The following PTPN12 variants were observed in gnomAD, a reference collection of about 807,000 sequenced individuals.
The protein encoded by PTPN12 is tyrosine-protein phosphatase non-receptor type 12.
In PTPN12, 29 loss-of-function variants were observed where a neutral mutation model predicts 97.6. The ratio of observed to expected loss-of-function variants is 0.30; its 90% CI spans 0.22 to 0.41. PTPN12 has a LOEUF of 0.41. PTPN12 is among the 10% of genes least tolerant of loss of function. The pLI is 1.00. For missense variants in PTPN12, 819 were observed against 926.0 expected (o/e 0.88, Z 1.50); for synonymous variants, 327 against 300.4 (o/e 1.09, Z -0.91).
intron 1 of PTPN12, chr7:77,538,189 A>G: frequency 2.8e-6 from 2 of 713,112 alleles, no homozygotes; most frequent in African/African-American, 1.9e-5. Flanking sequence ...CTGGGGTCGC[A>G]GTCATGATCT....
chr7:77,607,857 C>T (rs1788427520), intron 9 of PTPN12, among the ~76,000 whole-genome samples: 1 of 151,920 alleles, frequency 6.6e-6, no homozygotes, highest in African/African-American at 2.4e-5. Context: ...GGGTTGAAGC[C>T]ATTCTCCTGC....
At chr7:77,613,076 T>C (rs1776143320) in intron 11 of PTPN12, among the ~76,000 whole-genome samples, 1 of 151,200 alleles carries the variant, frequency 6.6e-6, no homozygotes, top group African/African-American at 2.4e-5. Context: ...CGGCCAAACA[T>C]TTGTATTATT....
intron 13 of PTPN12, among the ~76,000 whole-genome samples, chr7:77,629,882 A>G (rs1789336531): frequency 6.6e-6 from 1 of 150,692 alleles, no homozygotes. Flanking sequence ...TCAAGGCTGC[A>G]GTGAGCCATA....
At chr7:77,587,580 C>G (rs941168081) in intron 5 of PTPN12, among the ~76,000 whole-genome samples, 5 of 152,202 alleles carry the variant, frequency 3.3e-5, no homozygotes, top group African/African-American at 1.2e-4. Context: ...TTAGGATTTT[C>G]AGAATGGTAA....
intron 1 of PTPN12, among the ~76,000 whole-genome samples, chr7:77,562,190 A>C (rs1808031455): frequency 1.3e-5 from 2 of 152,138 alleles, no homozygotes; most frequent in African/African-American, 4.8e-5. Context: ...AGTAGCTGGC[A>C]TTACAGGCGC....
intron 2 of PTPN12, among the ~76,000 whole-genome samples, chr7:77,574,008 C>G (rs1787251600): frequency 6.6e-6 from 1 of 152,134 alleles, no homozygotes; most frequent in Non-Finnish European, 1.5e-5. Flanking sequence ...TCATCCGCCT[C>G]CCTTGGCATT....
rs573121695 is a variant in PTPN12, at chr7:77,580,245, G to A, written c.209-1182G>A. On this transcript the variant is annotated intron_variant, in intron 2 of 17. Transcript: ENST00000248594. Reference sequence around the variant, plus strand: ...TTGGGAGCCTGAGCCAGGAAGATCTGTAGTCCAGGAGTTTTAGGTTCGAAT... The same window carrying A: ...TTGGGAGCCTGAGCCAGGAAGATCTATAGTCCAGGAGTTTTAGGTTCGAAT... 3.9e-4 allele frequency among the ~76,000 whole-genome samples: 60 copies of A among 152,358 alleles called. No homozygotes were observed. In the Middle Eastern group the frequency reaches 0.01, roughly 26 times the overall value.
chr7:77,595,789 CTGT>C (rs1788005099), intron 6 of PTPN12, among the ~76,000 whole-genome samples: 1 of 152,118 alleles, frequency 6.6e-6, no homozygotes. Flanking sequence ...ACAACATACA[CTGT>C]TGTTCTTCAT....
At chr7:77,541,538 C>T (rs1482856241) in intron 1 of PTPN12, among the ~76,000 whole-genome samples, 2 of 152,000 alleles carry the variant, frequency 1.3e-5, no homozygotes, top group African/African-American at 2.4e-5. Context: ...AGATAGCTTC[C>T]CAGGAGTACT....
intron 13 of PTPN12, among the ~76,000 whole-genome samples, chr7:77,628,480 C>T (rs1275214918): frequency 1.3e-5 from 2 of 151,824 alleles, no homozygotes; most frequent in Non-Finnish European, 2.9e-5. Context: ...GGTCACTTAC[C>T]TATCAGTGAA....
At chr7:77,569,327 T>A (rs1808379993) in intron 1 of PTPN12, among the ~76,000 whole-genome samples, 2 of 152,218 alleles carry the variant, frequency 1.3e-5, no homozygotes, top group African/African-American at 4.8e-5. Context: ...TTATACTTAA[T>A]ATGTATTTTT....
intron 11 of PTPN12, among the ~76,000 whole-genome samples, chr7:77,616,020 CTT>C (rs1788738956): frequency 6.6e-6 from 1 of 152,182 alleles, no homozygotes. Flanking sequence ...CAGAAGCTCT[CTT>C]TTGGTTCTTC....
At chr7:77,558,080 G>A (rs1407252644) in intron 1 of PTPN12, among the ~76,000 whole-genome samples, 3 of 151,644 alleles carry the variant, frequency 2.0e-5, no homozygotes, top group African/African-American at 7.3e-5. Flanking sequence ...GCCTGGTGGT[G>A]GGCGCGTGTA....
intron 17 of PTPN12, 140 bp from the exon 18 acceptor site, chr7:77,639,079 A>G: frequency 2.8e-6 from 2 of 710,232 alleles, no homozygotes; most frequent in Non-Finnish European, 2.2e-6. Context: ...TGCATTTACC[A>G]AGTTTTGTTT....
intron 5 of PTPN12, among the ~76,000 whole-genome samples, chr7:77,590,647 A>G (rs1787837753): frequency 6.6e-6 from 1 of 151,262 alleles, no homozygotes; most frequent in Non-Finnish European, 1.5e-5. Context: ...TGCAACCTGC[A>G]TCTCCCAGGT....
intron 7 of PTPN12, among the ~76,000 whole-genome samples, chr7:77,599,291 A>G (rs1397735695): frequency 6.9e-6 from 1 of 145,184 alleles, no homozygotes; most frequent in Non-Finnish European, 1.5e-5. Flanking sequence ...TATTGTTTTT[A>G]GTTGAAACCC....
intron 9 of PTPN12, among the ~76,000 whole-genome samples, chr7:77,608,961 C>T (rs1404174025): frequency 6.6e-6 from 1 of 152,158 alleles, no homozygotes; most frequent in Non-Finnish European, 1.5e-5. Flanking sequence ...TGGCTTATGC[C>T]ATAATTCCAG....
chr7:77,562,164 C>G (rs1313041621), intron 1 of PTPN12, among the ~76,000 whole-genome samples: 1 of 152,170 alleles, frequency 6.6e-6, no homozygotes, highest in Non-Finnish European at 1.5e-5. Flanking sequence ...AGCGATTCTC[C>G]TGCCCCAGCC....
intron 1 of PTPN12, among the ~76,000 whole-genome samples, chr7:77,554,344 A>G (rs1284027401): frequency 1.3e-5 from 2 of 152,176 alleles, no homozygotes; most frequent in East Asian, 1.9e-4. Context: ...TTTTCAGGTA[A>G]CACTGTACCA....
Sources: gnomAD v4.1 joint callset for allele counts (sites outside exome capture counted in the v4.1 genomes callset) on GRCh38, gnomAD v4.1.1 for gene constraint, MANE v1.5 for transcripts, NCBI Gene and HGNC (gene_info 2026-07-23, HGNC 2026-07-21) for gene names.